Variants in NOCT observed in about 807,000 individuals in gnomAD.
NOCT encodes the protein nocturnin.
In NOCT, 18 loss-of-function variants were observed where a neutral mutation model predicts 35.0. The observed-to-expected ratio is 0.51, with a 90% CI of 0.36 to 0.76. NOCT has a LOEUF of 0.76. Among genes scored for constraint, NOCT ranks in the 30% least tolerant of loss-of-function variants. NOCT has a pLI of 0.01. For synonymous variants in NOCT, 235 were observed against 226.3 expected, an observed-to-expected ratio of 1.04 and a Z score of -0.34; for missense variants, 479 against 541.0, an observed-to-expected ratio of 0.89 and a Z score of 1.14.
In NOCT at chr4:139,020,695, C is replaced by G. The variant is rs150955314; in HGVS notation, c.190+4524C>G. Among the ~76,000 whole-genome samples the G allele has an allele frequency of 1.8e-3, 268 of 152,272 alleles. 4 individuals are homozygous for G. Among genetic ancestry groups the G allele is most frequent in the East Asian group, 0.014 (74 of 5,182 alleles). On this transcript the variant is annotated intron_variant, in intron 1 of 2. Coordinates refer to ENST00000280614, the MANE Select transcript of NOCT (RefSeq NM_012118.4). ...AAAGATTAGGGAGTATTTATGAGCT[C>G]TGCCCCTCCTTTCCCCAAAGGTACT...
At position 139,045,779 on chromosome 4, in the gene NOCT, T is replaced by C. The variant is rs1726929156; in HGVS notation, c.*305T>C. Reference sequence around the variant, plus strand: ...ATCACAAGAGTCTTAACAGGGAATGTTTCAGGAAACAAATAGGATAAGACA... The same window carrying C: ...ATCACAAGAGTCTTAACAGGGAATGCTTCAGGAAACAAATAGGATAAGACA... On this transcript the variant is annotated 3_prime_UTR_variant, in exon 3 of 3. Coordinates refer to ENST00000280614, the MANE Select transcript of NOCT (RefSeq NM_012118.4). 1 of 216,412 alleles carries C rather than the reference T, an allele frequency of 4.6e-6. No homozygotes were observed. Among genetic ancestry groups the C allele is most frequent in the African/African-American group, 2.3e-5 (1 of 43,670 alleles). The allele number at this position is 216,412 out of a possible 1,614,324, so 13.4% of individuals were successfully genotyped here.
intron 1 of NOCT, among the ~76,000 whole-genome samples, chr4:139,020,020 TGA>T (rs1379428717): frequency 2.6e-5 from 4 of 152,228 alleles, no homozygotes; most frequent in Non-Finnish European, 2.9e-5. Flanking sequence ...AAACTGCTTA[TGA>T]GAGAGAAGAA....
chr4:139,031,391 C>A (rs930778928), intron 1 of NOCT, among the ~76,000 whole-genome samples: 4 of 151,970 alleles, frequency 2.6e-5, no homozygotes, highest in Non-Finnish European at 5.9e-5. Flanking sequence ...CCTCGTGATC[C>A]ACCTGTCTTG....
rs1475583221 is a variant in NOCT, at chr4:139,044,951, T to C, written c.773T>C (p.Met258Thr). 1 of 1,614,136 alleles carries C rather than the reference T, an allele frequency of 6.2e-7. No homozygotes were observed. Among genetic ancestry groups the C allele is most frequent in the South Asian group, 1.1e-5 (1 of 91,084 alleles). The change falls in exon 3 of 3, where the codon ATG becomes ACG. Residue 258 changes from methionine (M) to threonine (T), a missense_variant. Physicochemically the swap from Met to Thr is moderately conservative, Grantham distance 81. Coordinates refer to ENST00000280614, the MANE Select transcript of NOCT (RefSeq NM_012118.4). ...AGTGCCAATATTAGGCTGACAGCCA[T>C]GACATTGAAAACCAACCAGGTGGCC... ...VNSANIRLTA[M>T]TLKTNQVAIA...
intron 1 of NOCT, among the ~76,000 whole-genome samples, chr4:139,022,862 A>G (rs893283530): frequency 2.6e-5 from 4 of 152,154 alleles, no homozygotes; most frequent in Admixed American, 2.0e-4. Context: ...TGGGAGGCCA[A>G]GGAGGTGGGG....
intron 1 of NOCT, among the ~76,000 whole-genome samples, chr4:139,025,073 G>C (rs17050679): frequency 0.1 from 15,759 of 152,128 alleles, 1,602 homozygotes; most frequent in East Asian, 0.46. Flanking sequence ...AACCATCCTT[G>C]AGTTTCAGAG....
intron 1 of NOCT, among the ~76,000 whole-genome samples, chr4:139,029,857 G>A (rs1169843656): frequency 1.3e-5 from 2 of 152,052 alleles, no homozygotes; most frequent in Non-Finnish European, 2.9e-5. Flanking sequence ...CTAGCTGATG[G>A]GTGCGCACAC....
chr4:139,040,929 A>C (rs556725853), intron 1 of NOCT, among the ~76,000 whole-genome samples: 5 of 152,202 alleles, frequency 3.3e-5, no homozygotes, highest in Admixed American at 2.0e-4. Context: ...TACAAGAAGA[A>C]AGACTTTCAA....
At chr4:139,038,165 A>AT (rs1325248278) in intron 1 of NOCT, among the ~76,000 whole-genome samples, 4 of 152,254 alleles carry the variant, frequency 2.6e-5, no homozygotes, top group Non-Finnish European at 1.5e-5. Flanking sequence ...ACGCCACTGC[A>AT]TTCCAGCCTG....
intron 1 of NOCT, among the ~76,000 whole-genome samples, chr4:139,021,171 A>G (rs1052660128): frequency 6.6e-6 from 1 of 152,044 alleles, no homozygotes; most frequent in South Asian, 2.1e-4. Context: ...AGCTTTAAAA[A>G]ATTGTATATT....
At chr4:139,027,745 G>A (rs992358400) in intron 1 of NOCT, among the ~76,000 whole-genome samples, 6 of 152,092 alleles carry the variant, frequency 3.9e-5, no homozygotes, top group African/African-American at 1.2e-4. Flanking sequence ...TGATCCGCCC[G>A]CCTCGGCCTC....
intron 1 of NOCT, among the ~76,000 whole-genome samples, chr4:139,032,529 A>G (rs934815765): frequency 6.6e-6 from 1 of 152,180 alleles, no homozygotes; most frequent in Non-Finnish European, 1.5e-5. Flanking sequence ...ATAAAATGAG[A>G]ATTACTGTGT....
At chr4:139,016,638 GTTGTT>G (rs1726310461) in intron 1 of NOCT, among the ~76,000 whole-genome samples, 21 of 50,832 alleles carry the variant, frequency 4.1e-4, no homozygotes, top group African/African-American at 1.1e-3. Context: ...TTCGTTTTAC[GTTGTT>G]TTTTTTTTTT....
chr4:139,025,915 C>T (rs978664656), intron 1 of NOCT, among the ~76,000 whole-genome samples: 12 of 152,216 alleles, frequency 7.9e-5, no homozygotes, highest in African/African-American at 2.9e-4. Context: ...CCAACCTGCC[C>T]AATGATATGC....
intron 2 of NOCT, 137 bp from the exon 3 acceptor site, chr4:139,044,502 C>T: frequency 1.6e-6 from 1 of 611,556 alleles, no homozygotes; most frequent in Non-Finnish European, 2.9e-6. Context: ...TGGGGTAATA[C>T]AGTTTGGACA....
In NOCT at chr4:139,016,053, C is replaced by G. The variant is rs1274287414; in HGVS notation, c.72C>G (p.Pro24=). 2.2e-6 allele frequency: 3 copies of G among 1,382,960 alleles called. No homozygotes were observed. The highest frequency in any genetic ancestry group is 9.4e-7 in the Non-Finnish European group (1 of 1,067,204). 85.7% of individuals were successfully genotyped at this position (1,382,960 alleles called of 1,614,324 possible). A position where few individuals can be genotyped will look rare whatever the true frequency, so the allele number is the denominator to read the frequency against. The change falls in exon 1 of 3, where the codon CCC becomes CCG. Residue 24 remains proline (P), a synonymous_variant. Coordinates refer to ENST00000280614, the MANE Select transcript of NOCT (RefSeq NM_012118.4). The part of the protein sequence containing the change: ...QRDAPGLRRL[P]APGLRRPLSP... ...ACGCGCCCGGCCTGCGCCGCCTGCC[C>G]GCCCCAGGGCTGCGCCGCCCGTTGT...
chr4:139,043,172 C>T lies in NOCT; in HGVS notation c.289C>T (p.Pro97Ser). ...CCAGCACCCAGAGTATTTGGTGTCACCTGACCCAGAGCATCTGGAGCCCAT... is the reference window on the plus strand; with the variant it reads ...CCAGCACCCAGAGTATTTGGTGTCATCTGACCCAGAGCATCTGGAGCCCAT... ...ASQHPEYLVS[P>S]DPEHLEPIDP... is the part of the protein sequence containing the mutation. The change falls in exon 2 of 3, where the codon CCT (proline) becomes TCT (serine). Residue 97 changes from proline (P) to serine (S), a missense_variant. This residue lies in a region of NOCT where 265 missense variants were observed against 257.0 expected (regional missense o/e 1.03). Coordinates refer to ENST00000280614, the MANE Select transcript of NOCT (RefSeq NM_012118.4). The T allele has an allele frequency of 1.9e-6, 3 of 1,614,152 alleles. No homozygotes were observed. The highest frequency in any genetic ancestry group is 2.5e-6 in the Non-Finnish European group (3 of 1,180,006).
At chr4:139,031,932 C>G (rs111706273) in intron 1 of NOCT, among the ~76,000 whole-genome samples, 11 of 151,972 alleles carry the variant, frequency 7.2e-5, no homozygotes, top group Non-Finnish European at 1.3e-4. Flanking sequence ...AGGCTCGTCT[C>G]GAACTCCTAA....
At chr4:139,017,367 A>G (rs954785900) in intron 1 of NOCT, among the ~76,000 whole-genome samples, 3 of 150,502 alleles carry the variant, frequency 2.0e-5, no homozygotes, top group African/African-American at 7.3e-5. Flanking sequence ...AGCTGGGATT[A>G]CAGGCATGCG....
Sources: gnomAD v4.1 joint callset for allele counts (sites outside exome capture counted in the v4.1 genomes callset) on GRCh38, gnomAD v4.1.1 for gene constraint, gnomAD v4.1.1 regional missense constraint, MANE v1.5 for transcripts, NCBI Gene and HGNC (gene_info 2026-07-23, HGNC 2026-07-21) for gene names.